Variants in ALPK2 observed in about 807,000 individuals in gnomAD.
The protein encoded by ALPK2 is alpha-protein kinase 2.
Under a neutral mutation model 163.1 loss-of-function variants are expected in ALPK2, and 127 were observed. That is an observed-to-expected ratio of 0.78 (90% CI 0.67 to 0.90). The LOEUF (loss-of-function observed/expected upper bound fraction) is 0.90, where lower values mean the gene tolerates loss of function less well. Among genes scored for constraint, ALPK2 ranks in the 40% least tolerant of loss-of-function variants. ALPK2 has a pLI of 0.00. For missense variants in ALPK2, 2,360 were observed against 2,589.6 expected (o/e 0.91, Z 1.92); for synonymous variants, 953 against 959.1 (o/e 0.99, Z 0.12).
intron 4 of ALPK2, among the ~76,000 whole-genome samples, chr18:58,576,329 G>A (rs748003191): frequency 2.0e-5 from 3 of 152,106 alleles, no homozygotes; most frequent in Admixed American, 6.5e-5. Context: ...AGCCGAGATC[G>A]TACCATTGCT....
intron 4 of ALPK2, among the ~76,000 whole-genome samples, chr18:58,569,223 T>A (rs2051872599): frequency 6.6e-6 from 1 of 152,028 alleles, no homozygotes; most frequent in Non-Finnish European, 1.5e-5. Context: ...AAAGTTTCCA[T>A]ATGATTGTGT....
intron 4 of ALPK2, among the ~76,000 whole-genome samples, chr18:58,563,505 A>T (rs764075591): frequency 6.6e-6 from 1 of 152,216 alleles, no homozygotes; most frequent in East Asian, 1.9e-4. Flanking sequence ...TGTGAGGTAT[A>T]AGGGCATTAA....
chr18:58,517,746 A>T (rs544839367), intron 8 of ALPK2, among the ~76,000 whole-genome samples: 1 of 152,178 alleles, frequency 6.6e-6, no homozygotes, highest in African/African-American at 2.4e-5. Context: ...CCAAGAACCA[A>T]TGTTGGTCCT....
chr18:58,489,691 CAGTCAT>C (rs1387436911), intron 12 of ALPK2, among the ~76,000 whole-genome samples: 1 of 151,946 alleles, frequency 6.6e-6, no homozygotes, highest in Non-Finnish European at 1.5e-5. Flanking sequence ...TATCTCAAAA[CAGTCAT>C]AATAATAATA....
intron 5 of ALPK2, among the ~76,000 whole-genome samples, chr18:58,532,426 G>A (rs1220111195): frequency 6.6e-6 from 1 of 152,190 alleles, no homozygotes; most frequent in African/African-American, 2.4e-5. Flanking sequence ...AAACCTGCCT[G>A]GGACTCCCAT....
chr18:58,608,885 G>C (rs772125501), intron 2 of ALPK2, among the ~76,000 whole-genome samples: 2 of 151,556 alleles, frequency 1.3e-5, no homozygotes, highest in African/African-American at 4.9e-5. Context: ...CTATGTGGTC[G>C]AGGCTGCAGT....
chr18:58,601,485 G>A (rs538089397), intron 3 of ALPK2, among the ~76,000 whole-genome samples: 6 of 152,258 alleles, frequency 3.9e-5, no homozygotes, highest in Non-Finnish European at 8.8e-5. Context: ...CTTAAATGTG[G>A]GTTGGCCTGT....
chr18:58,595,505 A>G (rs933863436), intron 3 of ALPK2, among the ~76,000 whole-genome samples: 3 of 152,154 alleles, frequency 2.0e-5, no homozygotes, highest in East Asian at 3.8e-4. Flanking sequence ...GATTAACATA[A>G]TGGACTCCGG....
intron 3 of ALPK2, among the ~76,000 whole-genome samples, chr18:58,604,996 A>G (rs1465620328): frequency 3.3e-5 from 5 of 152,188 alleles, no homozygotes; most frequent in South Asian, 2.1e-4. Flanking sequence ...TCAATTCTTA[A>G]CACATGTCAA....
At chr18:58,574,509 T>C (rs1451788299) in intron 4 of ALPK2, among the ~76,000 whole-genome samples, 1 of 150,542 alleles carries the variant, frequency 6.6e-6, no homozygotes, top group Non-Finnish European at 1.5e-5. Flanking sequence ...CCCCAGGCCA[T>C]GGACCGGTAA....
chr18:58,620,452 A>G (rs1343399354), intron 1 of ALPK2, among the ~76,000 whole-genome samples: 1 of 152,226 alleles, frequency 6.6e-6, no homozygotes, highest in Non-Finnish European at 1.5e-5. Flanking sequence ...CATTTATATG[A>G]AGTGTCCAAT....
At chr18:58,559,185 C>T (rs1209600294) in intron 4 of ALPK2, among the ~76,000 whole-genome samples, 1 of 152,196 alleles carries the variant, frequency 6.6e-6, no homozygotes, top group East Asian at 1.9e-4. Flanking sequence ...CCCCCATCCC[C>T]ACCCCATGGG....
chr18:58,494,853 C>T (rs915091223), intron 12 of ALPK2, among the ~76,000 whole-genome samples: 2 of 152,206 alleles, frequency 1.3e-5, no homozygotes, highest in Middle Eastern at 3.2e-3. Context: ...GCAGAGTGCC[C>T]TTGAACTTGA....
chr18:58,578,802 GAA>G lies in ALPK2; in HGVS notation c.1962+10_1962+11del, dbSNP rs1432057820. 6.4e-7 allele frequency: 1 copy of G among 1,570,468 alleles called. No homozygotes were observed. Among genetic ancestry groups the G allele is most frequent in the Non-Finnish European group, 8.6e-7 (1 of 1,158,520 alleles). On this transcript the variant is annotated intron_variant, in intron 4 of 12. Transcript: ENST00000361673. ...TTTTTATCTCGTAATTTCTTTAAAAGAAAAGTCTTACCTGAGGAGGATCACTC... is the reference window on the plus strand; with the variant it reads ...TTTTTATCTCGTAATTTCTTTAAAAGAAGTCTTACCTGAGGAGGATCACTC...
At chr18:58,587,427 T>C (rs147169274) in intron 3 of ALPK2, among the ~76,000 whole-genome samples, 82 of 152,240 alleles carry the variant, frequency 5.4e-4, no homozygotes, top group African/African-American at 1.3e-3. Context: ...CAATAGAAAC[T>C]GTCCCTAGAC....
At chr18:58,487,890 G>A (rs985916701) in intron 12 of ALPK2, among the ~76,000 whole-genome samples, 8 of 152,086 alleles carry the variant, frequency 5.3e-5, no homozygotes, top group Non-Finnish European at 1.0e-4. Flanking sequence ...AATATGAATA[G>A]CATTCAATAT....
chr18:58,596,849 C>T (rs960710145), intron 3 of ALPK2, among the ~76,000 whole-genome samples: 2 of 152,162 alleles, frequency 1.3e-5, no homozygotes, highest in African/African-American at 4.8e-5. Flanking sequence ...GAGACAGGGT[C>T]TCATTTTGTT....
intron 5 of ALPK2, among the ~76,000 whole-genome samples, chr18:58,529,710 T>C (rs1568075562): frequency 6.6e-6 from 1 of 152,266 alleles, no homozygotes; most frequent in South Asian, 2.1e-4. Context: ...GGTTATTGGC[T>C]GAATAATATT....
chr18:58,534,839 C>T lies in ALPK2; in HGVS notation c.5348G>A (p.Gly1783Glu), dbSNP rs747518940. The T allele has an allele frequency of 1.9e-6, 3 of 1,607,272 alleles. No homozygotes were observed. The highest frequency in any genetic ancestry group is 2.5e-6 in the Non-Finnish European group (3 of 1,177,526). ...DPKKPSCKRE[G>E]RAPVLLKKIQ... Reference sequence around the variant, plus strand: ...GGACAGCAACAGAACCTCACCTCTTCCTTCTCTTTTGCAAGATGGCTTTTT... The same window carrying T: ...GGACAGCAACAGAACCTCACCTCTTTCTTCTCTTTTGCAAGATGGCTTTTT... The change falls in exon 5 of 13, where the codon GGA (glycine) becomes GAA (glutamate). Residue 1783 changes from glycine (G) to glutamate (E), a missense_variant. Gly to Glu is a moderately conservative substitution (Grantham distance 98). Transcript: ENST00000361673.
Sources: gnomAD v4.1 joint callset for allele counts (sites outside exome capture counted in the v4.1 genomes callset) on GRCh38, gnomAD v4.1.1 for gene constraint, MANE v1.5 for transcripts, NCBI Gene and HGNC (gene_info 2026-07-23, HGNC 2026-07-21) for gene names.